Variants in EFCC1 observed in about 807,000 individuals in gnomAD.
EFCC1 encodes the protein EF-hand and coiled-coil domain-containing protein 1.
Under a neutral mutation model 52.1 loss-of-function variants are expected in EFCC1, and 50 were observed. That is an observed-to-expected ratio of 0.96 (90% CI 0.76 to 1.21). The LOEUF is 1.21. Among genes scored for constraint, EFCC1 ranks in the 50% most tolerant of loss-of-function variants. The pLI, the probability that EFCC1 is intolerant of heterozygous loss-of-function variation, is 0.00. For missense variants in EFCC1, 837 were observed against 867.3 expected (o/e 0.97, Z 0.44); for synonymous variants, 399 against 396.5 (o/e 1.01, Z -0.08).
chr3:129,038,871 C>T lies in EFCC1; in HGVS notation c.1634C>T (p.Thr545Met), dbSNP rs754483940. The T allele has an allele frequency of 1.9e-5, 31 of 1,613,858 alleles. No individual in the cohort carries two copies. The highest frequency in any genetic ancestry group is 1.7e-4 in the Middle Eastern group (1 of 5,908). ...KRALGKILLS[T>M]LDAFRDPTHE... ...GCCCTGGGGAAGATTTTGCTGAGCA[C>T]GCTGGACGCTTTCAGGGACCCCACC... Residue 545 changes from threonine to methionine, a missense_variant, in exon 7 of 8, where the codon ACG becomes ATG. Thr to Met is a moderately conservative substitution (Grantham distance 81). Transcript: ENST00000683648.
Position 129,014,331 on chromosome 3 carries a change from T to G in EFCC1, c.980+10254T>G, listed in dbSNP as rs560900895. On this transcript the variant is annotated intron_variant, in intron 2 of 7. Transcript: ENST00000683648. This position sits in a 1 kb window ranked among gnomAD's most constrained non-coding sequence, Gnocchi z 4.3. The stretch of plus-strand genomic sequence containing the variant: ...GTGACAAGCCCCACAGACCAGGAGC[T>G]TCAACAACAGGCATTTGTCTCCCAC... 3.3e-5 allele frequency among the ~76,000 whole-genome samples: 5 copies of G among 152,298 alleles called. No homozygotes were observed. In the South Asian group the frequency reaches 1.0e-3, roughly 32 times the overall value.
chr3:129,024,959 C>A (rs183830423), intron 2 of EFCC1, among the ~76,000 whole-genome samples: 1 of 152,124 alleles, frequency 6.6e-6, no homozygotes, highest in Non-Finnish European at 1.5e-5. Context: ...CCAAACCCAG[C>A]GGCCACTCTT....
intron 2 of EFCC1, among the ~76,000 whole-genome samples, chr3:129,012,567 G>A (rs1284033189): frequency 1.3e-5 from 2 of 152,208 alleles, no homozygotes; most frequent in South Asian, 2.1e-4. Flanking sequence ...AGGAAAGAAC[G>A]TGGATTGGCC....
At position 129,002,205 on chromosome 3, in the gene EFCC1, A is replaced by T; in HGVS notation, c.577A>T (p.Ser193Cys). ...RRPPCAPGPD[S>C]GPDCERVARL... Reference sequence around the variant, plus strand: ...CCCGCCCTGCGCGCCTGGCCCCGACAGCGGTCCTGACTGTGAGCGCGTTGC... The same window carrying T: ...CCCGCCCTGCGCGCCTGGCCCCGACTGCGGTCCTGACTGTGAGCGCGTTGC... The change falls in exon 1 of 8, where the codon AGC becomes TGC. Residue 193 changes from serine to cysteine, a missense_variant. By Grantham distance (112) the Ser-to-Cys change is moderately radical. Transcript: ENST00000683648. 1 of 1,516,094 alleles carries T rather than the reference A, an allele frequency of 6.6e-7. No homozygotes were observed. The highest frequency in any genetic ancestry group is 8.8e-7 in the Non-Finnish European group (1 of 1,138,784). 93.9% of individuals were successfully genotyped at this position (1,516,094 alleles called of 1,614,324 possible). A position where few individuals can be genotyped will look rare whatever the true frequency, so the allele number is the denominator to read the frequency against.
At chr3:129,013,080 C>G (rs373269101) in intron 2 of EFCC1, among the ~76,000 whole-genome samples, 1 of 152,156 alleles carries the variant, frequency 6.6e-6, no homozygotes, top group Non-Finnish European at 1.5e-5. Flanking sequence ...CCAGACGTGC[C>G]AGTGTCAGGA....
intron 2 of EFCC1, among the ~76,000 whole-genome samples, chr3:129,026,458 C>T (rs904557252): frequency 2.0e-5 from 3 of 152,222 alleles, no homozygotes; most frequent in African/African-American, 7.2e-5. Context: ...AAGTCCCTTA[C>T]CTGCTGACAT....
At chr3:129,007,891 C>T (rs944150468) in intron 2 of EFCC1, among the ~76,000 whole-genome samples, 2 of 152,178 alleles carry the variant, frequency 1.3e-5, no homozygotes, top group Non-Finnish European at 2.9e-5. Context: ...AGCATTCAAC[C>T]ATACTAATTT....
intron 2 of EFCC1, among the ~76,000 whole-genome samples, chr3:129,004,824 T>A (rs1425943990): frequency 6.6e-6 from 1 of 152,054 alleles, no homozygotes; most frequent in Non-Finnish European, 1.5e-5. Context: ...CTGTGCTAGC[T>A]CCACCAGGGC....
chr3:129,038,890 C>T lies in EFCC1; in HGVS notation c.1653C>T (p.Asp551=), dbSNP rs1219655826. ...TGAGCACGCTGGACGCTTTCAGGGA[C>T]CCCACCCACGGTAGGAGAGCACCCT... ...ILLSTLDAFR[D]PTHEGRPSPA... is the part of the protein sequence containing the mutation. The change falls in exon 7 of 8, where the codon GAC becomes GAT. Residue 551 remains aspartate (D), a synonymous_variant. Transcript: ENST00000683648. The T allele has an allele frequency of 2.5e-6, 4 of 1,613,812 alleles. No individual in the cohort carries two copies. The highest frequency in any genetic ancestry group is 3.4e-6 in the Non-Finnish European group (4 of 1,179,990).
chr3:129,013,935 G>GT (rs1437926355), intron 2 of EFCC1, among the ~76,000 whole-genome samples: 1 of 152,230 alleles, frequency 6.6e-6, no homozygotes, highest in Non-Finnish European at 1.5e-5. Context: ...CTAGGCAGGG[G>GT]CAGGAGCGAC....
At chr3:129,012,297 G>A (rs1945363108) in intron 2 of EFCC1, among the ~76,000 whole-genome samples, 2 of 152,188 alleles carry the variant, frequency 1.3e-5, no homozygotes, top group East Asian at 3.9e-4. Context: ...AATGATGCCT[G>A]GCACATAATA....
At chr3:129,020,786 G>A (rs1945805184) in intron 2 of EFCC1, among the ~76,000 whole-genome samples, 1 of 152,212 alleles carries the variant, frequency 6.6e-6, no homozygotes, top group Non-Finnish European at 1.5e-5. Flanking sequence ...GAGGCTCCAG[G>A]GGAGGGAGCC....
chr3:129,032,804 C>T lies in EFCC1; in HGVS notation c.1139-15C>T, dbSNP rs1473877280. ...CACCCTTTGTCCTGCATCCCCACATCCTGTGCTTCCCCAGCAGTGGACGAG... is the reference window on the plus strand; with the variant it reads ...CACCCTTTGTCCTGCATCCCCACATTCTGTGCTTCCCCAGCAGTGGACGAG... On this transcript the variant is annotated splice_polypyrimidine_tract_variant and intron_variant, in intron 3 of 7. Coordinates refer to ENST00000683648, the MANE Select transcript of EFCC1 (RefSeq NM_001377500.1). 2.6e-6 allele frequency: 4 copies of T among 1,550,246 alleles called. No individual in the cohort carries two copies. Among genetic ancestry groups the T allele is most frequent in the African/African-American group, 2.7e-5 (2 of 73,136 alleles).
chr3:129,011,777 G>A (rs1026872496), intron 2 of EFCC1, among the ~76,000 whole-genome samples: 4 of 152,148 alleles, frequency 2.6e-5, no homozygotes, highest in Admixed American at 2.0e-4. Flanking sequence ...GACAGAGCCT[G>A]GGCCCACACT....
At chr3:129,031,931 G>C (rs1439666075) in intron 3 of EFCC1, among the ~76,000 whole-genome samples, 3 of 152,196 alleles carry the variant, frequency 2.0e-5, no homozygotes, top group African/African-American at 7.2e-5. Flanking sequence ...GCTGCACTCA[G>C]CCTGGCCGGG....
rs950048901 is a variant in EFCC1, at chr3:129,029,137, C to G, written c.981-1566C>G. Among the ~76,000 whole-genome samples the G allele has an allele frequency of 3.9e-5, 6 of 152,116 alleles. No homozygotes were observed. The East Asian group carries it at 1.2e-3, about 29-fold the overall frequency. ...CAACACCACTCGGCCTCCCCTTTTCCAAGATGTGGTTTTGCTTCATATTGG... is the reference window on the plus strand; with the variant it reads ...CAACACCACTCGGCCTCCCCTTTTCGAAGATGTGGTTTTGCTTCATATTGG... On this transcript the variant is annotated intron_variant, in intron 2 of 7. Transcript: ENST00000683648.
intron 6 of EFCC1, 25 bp from the exon 7 acceptor site, chr3:129,038,805 CA>C (rs752617267): frequency 5.0e-6 from 8 of 1,611,992 alleles, no homozygotes; most frequent in Non-Finnish European, 4.2e-6. Context: ...CAGTCTAATC[CA>C]GCCTTGTTTC....
intron 2 of EFCC1, among the ~76,000 whole-genome samples, chr3:129,023,049 G>A (rs912093230): frequency 1.3e-5 from 2 of 152,186 alleles, no homozygotes; most frequent in African/African-American, 4.8e-5. Context: ...CTGACTAACT[G>A]TGTTTCATTC....
At position 129,001,591 on chromosome 3, in the gene EFCC1, G is replaced by C; in HGVS notation, c.-38G>C. 2.2e-6 allele frequency: 3 copies of C among 1,352,372 alleles called. No homozygotes were observed. Among genetic ancestry groups the C allele is most frequent in the South Asian group, 3.7e-5 (2 of 54,224 alleles). The allele number at this position is 1,352,372 out of a possible 1,614,324, so 83.8% of individuals were successfully genotyped here. On this transcript the variant is annotated 5_prime_UTR_variant, in exon 1 of 8. Transcript: ENST00000683648. ...CTGGAAGTGGCGGGGCGAAGGGACC[G>C]GAGGAGGGACCGGAGGAGCGAGGCG...
Sources: allele counts gnomAD v4.1 joint callset (sites outside exome capture counted in the v4.1 genomes callset), GRCh38; gene constraint gnomAD v4.1.1; non-coding constraint Gnocchi (gnomAD v3.1); transcripts MANE v1.5; gene names NCBI Gene and HGNC (gene_info 2026-07-23, HGNC 2026-07-21).